Variants in GPC5 observed in about 807,000 individuals in gnomAD.
GPC5 encodes the protein glypican 5, also known as glypican-5.
GPC5 carries 47 observed loss-of-function variants against 53.9 expected under a neutral mutation model. That is an observed-to-expected ratio of 0.87 (90% CI 0.69 to 1.11). GPC5 has a LOEUF of 1.11. Among genes scored for constraint, GPC5 ranks in the 50% most tolerant of loss-of-function variants. The pLI is 0.00. For missense variants in GPC5, 748 were observed against 713.1 expected (o/e 1.05, Z -0.56); for synonymous variants, 286 against 263.3 (o/e 1.09, Z -0.84).
chr13:92,772,679 G>A (rs1231116239), intron 7 of GPC5, among the ~76,000 whole-genome samples: 1 of 152,290 alleles, frequency 6.6e-6, no homozygotes, highest in Non-Finnish European at 1.5e-5. Flanking sequence ...TGGAAAGGAA[G>A]CTCCATGAGA....
chr13:92,083,121 T>A (rs2041309461), intron 6 of GPC5, among the ~76,000 whole-genome samples: 1 of 152,168 alleles, frequency 6.6e-6, no homozygotes, highest in Non-Finnish European at 1.5e-5. Context: ...ACAATACAAC[T>A]TATTTTACAG....
In GPC5 at chr13:92,207,139, G is replaced by A. The variant is rs539205560; in HGVS notation, c.1561+62150G>A. ...AGGGATATTAGGTTCAGCCACTGTT[G>A]CCAGTTCTGACTACCAGCAGCAGTA... On this transcript the variant is annotated intron_variant, in intron 7 of 7. Coordinates refer to ENST00000377067, the MANE Select transcript of GPC5 (RefSeq NM_004466.6). Among the ~76,000 whole-genome samples, 28 of 152,192 alleles carry A rather than the reference G, an allele frequency of 1.8e-4. No individual in the cohort carries two copies. The South Asian group carries it at 5.0e-3, about 27-fold the overall frequency.
At chr13:92,497,245 A>G (rs948303965) in intron 7 of GPC5, among the ~76,000 whole-genome samples, 4 of 152,080 alleles carry the variant, frequency 2.6e-5, no homozygotes, top group Admixed American at 2.6e-4. Flanking sequence ...GGGGTTATAC[A>G]TTTTAAGTCT....
intron 7 of GPC5, among the ~76,000 whole-genome samples, chr13:92,539,356 C>T (rs954713678): frequency 2.0e-5 from 3 of 151,820 alleles, no homozygotes; most frequent in Admixed American, 6.6e-5. Context: ...TTTTAATGAT[C>T]GCCACTCTAA....
At chr13:92,785,081 G>A (rs188471873) in intron 7 of GPC5, among the ~76,000 whole-genome samples, 31 of 152,146 alleles carry the variant, frequency 2.0e-4, no homozygotes, top group Admixed American at 3.3e-4. Flanking sequence ...GTTGACACCA[G>A]CCTGGCCAAC....
chr13:91,635,805 C>T (rs1009236820), intron 2 of GPC5, among the ~76,000 whole-genome samples: 5 of 152,014 alleles, frequency 3.3e-5, no homozygotes, highest in African/African-American at 1.2e-4. Flanking sequence ...ATTATATTGT[C>T]AGTTTCATAT....
intron 7 of GPC5, among the ~76,000 whole-genome samples, chr13:92,754,437 C>G: frequency 6.6e-6 from 1 of 151,972 alleles, no homozygotes; most frequent in Non-Finnish European, 1.5e-5. Context: ...AGCGAAATCA[C>G]CAGCTAACAT....
chr13:92,655,319 T>TTATG (rs1886090985), intron 7 of GPC5, among the ~76,000 whole-genome samples: 1 of 135,842 alleles, frequency 7.4e-6, no homozygotes, highest in African/African-American at 2.5e-5. Flanking sequence ...ATTTATTTAT[T>TTATG]TATTTATTTA....
At chr13:92,592,682 T>C (rs756614494) in intron 7 of GPC5, among the ~76,000 whole-genome samples, 2 of 151,316 alleles carry the variant, frequency 1.3e-5, no homozygotes, top group Non-Finnish European at 1.5e-5. Context: ...TGAGAGATAA[T>C]ACCTACATGT....
intron 6 of GPC5, among the ~76,000 whole-genome samples, chr13:92,131,892 CCTAT>C (rs1247310018): frequency 1.3e-4 from 19 of 150,846 alleles, no homozygotes; most frequent in Admixed American, 9.3e-4. Context: ...GCACATTTTG[CCTAT>C]CTATGACCCA....
chr13:91,567,676 C>A (rs1174845334), intron 2 of GPC5, among the ~76,000 whole-genome samples: 9 of 152,136 alleles, frequency 5.9e-5, no homozygotes, highest in Non-Finnish European at 1.2e-4. Context: ...AGGATACAGA[C>A]TTTAGTTGTT....
chr13:91,611,093 C>G (rs1021702492), intron 2 of GPC5, among the ~76,000 whole-genome samples: 1 of 152,042 alleles, frequency 6.6e-6, no homozygotes, highest in African/African-American at 2.4e-5. Context: ...TTAGAATGTT[C>G]AGTAATATAA....
At chr13:92,863,731 G>A (rs1879255153) in intron 7 of GPC5, among the ~76,000 whole-genome samples, 1 of 152,162 alleles carries the variant, frequency 6.6e-6, no homozygotes, top group Admixed American at 6.6e-5. Flanking sequence ...GACCTCAGGT[G>A]ATCTGCCTGC....
chr13:92,722,426 C>A (rs1334622344), intron 7 of GPC5, among the ~76,000 whole-genome samples: 2 of 151,734 alleles, frequency 1.3e-5, no homozygotes, highest in Non-Finnish European at 2.9e-5. Context: ...ATATATGGAA[C>A]CTATTGGCAG....
intron 7 of GPC5, among the ~76,000 whole-genome samples, chr13:92,381,382 G>C (rs1483247190): frequency 6.6e-6 from 1 of 152,074 alleles, no homozygotes; most frequent in Non-Finnish European, 1.5e-5. Flanking sequence ...CATTAGAAAG[G>C]TCTGATTTGC....
chr13:91,769,311 A>T (rs1594545253), intron 5 of GPC5, among the ~76,000 whole-genome samples: 1 of 152,210 alleles, frequency 6.6e-6, no homozygotes, highest in Non-Finnish European at 1.5e-5. Flanking sequence ...ACATCTAAAA[A>T]ATACATTCAC....
intron 6 of GPC5, among the ~76,000 whole-genome samples, chr13:91,951,151 T>C (rs952973099): frequency 6.6e-6 from 1 of 152,150 alleles, no homozygotes; most frequent in Non-Finnish European, 1.5e-5. Flanking sequence ...GCTTATTAAA[T>C]ATTTACTGAA....
intron 6 of GPC5, among the ~76,000 whole-genome samples, chr13:92,124,147 C>T (rs1201593601): frequency 7.2e-6 from 1 of 138,238 alleles, no homozygotes; most frequent in East Asian, 2.3e-4. Flanking sequence ...AAAAAAAAAG[C>T]ATCCAAATAA....
intron 6 of GPC5, among the ~76,000 whole-genome samples, chr13:92,061,940 T>A (rs964358470): frequency 6.6e-6 from 1 of 152,048 alleles, no homozygotes; most frequent in Non-Finnish European, 1.5e-5. Context: ...TTTTCATCCC[T>A]ACTATTCTAT....
Sources: gnomAD v4.1 joint callset for allele counts (sites outside exome capture counted in the v4.1 genomes callset) on GRCh38, gnomAD v4.1.1 for gene constraint, MANE v1.5 for transcripts, NCBI Gene and HGNC (gene_info 2026-07-23, HGNC 2026-07-21) for gene names.